Variants in DRC11 observed in about 807,000 individuals in gnomAD.
DRC11 encodes the protein IQ and AAA domain-containing protein 1.
At chr2:236,461,794 T>C in the DRC11 span, among the ~76,000 whole-genome samples, 1 of 152,162 alleles carries the variant, frequency 6.6e-6, no homozygotes, top group Non-Finnish European at 1.5e-5. The surrounding 1 kb of genome is among the most constrained non-coding windows in gnomAD (Gnocchi z 4.0). Flanking sequence ...ACAGCTATTT[T>C]GTGGGAAGCA....
At chr2:236,403,829 G>A in the DRC11 span, among the ~76,000 whole-genome samples, 1 of 151,966 alleles carries the variant, frequency 6.6e-6, no homozygotes, top group Non-Finnish European at 1.5e-5. Flanking sequence ...TGAGATCCTT[G>A]AGTCCTCCTG....
At chr2:236,425,624 A>G in the DRC11 span, among the ~76,000 whole-genome samples, 2 of 151,930 alleles carry the variant, frequency 1.3e-5, no homozygotes, top group Admixed American at 1.3e-4. Flanking sequence ...GCTGTGCAGA[A>G]GTTTTTTAGT....
At chr2:236,423,357 A>G in the DRC11 span, among the ~76,000 whole-genome samples, 1 of 151,766 alleles carries the variant, frequency 6.6e-6, no homozygotes, top group Non-Finnish European at 1.5e-5. Flanking sequence ...ATTTACAAGA[A>G]AAAAAAAACA....
At chr2:236,478,565 A>G in the DRC11 span, among the ~76,000 whole-genome samples, 1 of 152,066 alleles carries the variant, frequency 6.6e-6, no homozygotes, top group South Asian at 2.1e-4. This position sits in a 1 kb window ranked among gnomAD's most constrained non-coding sequence, Gnocchi z 5.9. Flanking sequence ...TCTAGTGTGT[A>G]GCTTAATTCT....
At chr2:236,393,381 G>C in the DRC11 span, among the ~76,000 whole-genome samples, 3 of 152,134 alleles carry the variant, frequency 2.0e-5, no homozygotes, top group African/African-American at 7.2e-5. This position sits in a 1 kb window ranked among gnomAD's most constrained non-coding sequence, Gnocchi z 4.7. Context: ...GGTGGTGAAT[G>C]AATGAGGGAG....
At chr2:236,331,920 G>C in the DRC11 span, 4 of 271,552 alleles carry the variant, frequency 1.5e-5, no homozygotes, top group Non-Finnish European at 2.1e-5. The surrounding 1 kb of genome is among the most constrained non-coding windows in gnomAD (Gnocchi z 4.8). Flanking sequence ...GTCAACACTG[G>C]AAATTTTCAT....
At chr2:236,358,006 TTATAA>T in the DRC11 span, among the ~76,000 whole-genome samples, 1 of 111,072 alleles carries the variant, frequency 9.0e-6, no homozygotes, top group Non-Finnish European at 1.7e-5. Context: ...GAATATATAT[TTATAA>T]TATATAGATA....
chr2:236,503,847 C>A, the DRC11 span: 1 of 696,638 alleles, frequency 1.4e-6, no homozygotes. The surrounding 1 kb of genome is among the most constrained non-coding windows in gnomAD (Gnocchi z 4.9). Context: ...GCCTTGCGCC[C>A]CACCTCCTCG....
chr2:236,466,194 A>G, the DRC11 span, among the ~76,000 whole-genome samples: 1 of 151,526 alleles, frequency 6.6e-6, no homozygotes, highest in Non-Finnish European at 1.5e-5. Context: ...TTAATCTTCT[A>G]CTGGTTATCT....
the DRC11 span, among the ~76,000 whole-genome samples, chr2:236,474,639 A>T: frequency 4.7e-4 from 72 of 152,288 alleles, 1 homozygote; most frequent in Middle Eastern, 0.01. Context: ...AAAACTGGAC[A>T]TAACAATTGT....
At chr2:236,447,157 T>C in the DRC11 span, among the ~76,000 whole-genome samples, 2 of 151,546 alleles carry the variant, frequency 1.3e-5, no homozygotes, top group Non-Finnish European at 2.9e-5. This position sits in a 1 kb window ranked among gnomAD's most constrained non-coding sequence, Gnocchi z 4.6. Flanking sequence ...AAAGTAGCTC[T>C]CACAAGGGAT....
the DRC11 span, among the ~76,000 whole-genome samples, chr2:236,361,076 C>T: frequency 1.3e-5 from 2 of 152,044 alleles, no homozygotes; most frequent in East Asian, 1.9e-4. The surrounding 1 kb of genome is among the most constrained non-coding windows in gnomAD (Gnocchi z 5.7). Context: ...ATGATGACCC[C>T]GTTTTGAAAT....
chr2:236,434,755 C>T, the DRC11 span, among the ~76,000 whole-genome samples: 1 of 152,140 alleles, frequency 6.6e-6, no homozygotes, highest in Non-Finnish European at 1.5e-5. This position sits in a 1 kb window ranked among gnomAD's most constrained non-coding sequence, Gnocchi z 5.5. Context: ...TTTCTCATGG[C>T]AATTTAGATG....
chr2:236,337,616 G>A, the DRC11 span, among the ~76,000 whole-genome samples: 1 of 152,204 alleles, frequency 6.6e-6, no homozygotes, highest in Non-Finnish European at 1.5e-5. The surrounding 1 kb of genome is among the most constrained non-coding windows in gnomAD (Gnocchi z 4.9). Context: ...GAGAGCCCCA[G>A]CCCAGGCTCC....
chr2:236,335,195 A>G, the DRC11 span, among the ~76,000 whole-genome samples: 1 of 152,154 alleles, frequency 6.6e-6, no homozygotes, highest in East Asian at 1.9e-4. The surrounding 1 kb of genome is among the most constrained non-coding windows in gnomAD (Gnocchi z 5.6). Context: ...GCCACCGTCT[A>G]TGTTACGGAT....
chr2:236,456,710 T>C, the DRC11 span, among the ~76,000 whole-genome samples: 2 of 152,298 alleles, frequency 1.3e-5, no homozygotes, highest in East Asian at 3.9e-4. This position sits in a 1 kb window ranked among gnomAD's most constrained non-coding sequence, Gnocchi z 5.4. Context: ...TGGCACCTGA[T>C]GGGAGTGGGG....
chr2:236,490,909 T>C, the DRC11 span, among the ~76,000 whole-genome samples: 1 of 149,530 alleles, frequency 6.7e-6, no homozygotes, highest in Non-Finnish European at 1.5e-5. The surrounding 1 kb of genome is among the most constrained non-coding windows in gnomAD (Gnocchi z 5.5). Context: ...ATATTGTGTG[T>C]GTGTGTGTAT....
chr2:236,457,238 A>T, the DRC11 span, among the ~76,000 whole-genome samples: 10 of 152,226 alleles, frequency 6.6e-5, no homozygotes, highest in Non-Finnish European at 1.5e-4. This position sits in a 1 kb window ranked among gnomAD's most constrained non-coding sequence, Gnocchi z 4.7. Context: ...ATCTAAGCTT[A>T]AACTAAAATG....
the DRC11 span, among the ~76,000 whole-genome samples, chr2:236,413,805 T>C: frequency 6.6e-6 from 1 of 152,204 alleles, no homozygotes; most frequent in African/African-American, 2.4e-5. The surrounding 1 kb of genome is among the most constrained non-coding windows in gnomAD (Gnocchi z 4.0). Flanking sequence ...TTCCAAATGG[T>C]CTAACATGTG....
Sources: gnomAD v4.1 joint callset for allele counts (sites outside exome capture counted in the v4.1 genomes callset) on GRCh38, gnomAD v4.1.1 for gene constraint, Gnocchi (gnomAD v3.1) non-coding constraint, MANE v1.5 for transcripts, NCBI Gene and HGNC (gene_info 2026-07-23, HGNC 2026-07-21) for gene names.